Variants in DDX18 observed in about 807,000 individuals in gnomAD.
DDX18 encodes the protein ATP-dependent RNA helicase DDX18.
Under a neutral mutation model 73.5 loss-of-function variants are expected in DDX18, and 23 were observed. The ratio of observed to expected loss-of-function variants is 0.31; its 90% CI spans 0.23 to 0.44. The LOEUF is 0.44. Among genes scored for constraint, DDX18 ranks in the 20% least tolerant of loss-of-function variants. The probability of loss-of-function intolerance (pLI) is 1.00; values close to 1 mark genes in which losing one functional copy is unlikely to be tolerated. For synonymous variants in DDX18, 268 were observed against 282.7 expected (o/e 0.95, Z 0.52); for missense variants, 753 against 792.9 (o/e 0.95, Z 0.60).
chr2:117,821,817 A>G lies in DDX18; in HGVS notation c.752-45A>G. ...GGTTTATTGTAGCTGTTACGGACTC[A>G]GTGGTGACAGCCACATTTAGACTTC... On this transcript the variant is annotated intron_variant, in intron 5 of 13. Transcript: ENST00000263239. The G allele has an allele frequency of 1.9e-6, 3 of 1,612,558 alleles. No individual in the cohort carries two copies. The South Asian group carries it at 3.3e-5, about 18-fold the overall frequency.
chr2:117,817,062 A>G (rs978273431), intron 1 of DDX18, among the ~76,000 whole-genome samples: 5 of 152,190 alleles, frequency 3.3e-5, no homozygotes, highest in East Asian at 1.9e-4. Flanking sequence ...TGAGTTGTAA[A>G]TGTCTTTTTC....
At chr2:117,819,057 TGTG>T (rs895559721) in intron 2 of DDX18, among the ~76,000 whole-genome samples, 2 of 152,188 alleles carry the variant, frequency 1.3e-5, no homozygotes, top group Non-Finnish European at 2.9e-5. Flanking sequence ...AAACACAGCA[TGTG>T]GTTAATCCAT....
chr2:117,826,407 A>G, intron 11 of DDX18, 25 bp downstream of exon 11: 1 of 1,600,330 alleles, frequency 6.2e-7, no homozygotes, highest in South Asian at 1.1e-5. Context: ...TTGGAGAAAG[A>G]TTTCTCTTGG....
chr2:117,827,897 G>A (rs1172238159), intron 11 of DDX18: 7 of 152,196 alleles, frequency 4.6e-5, no homozygotes, highest in African/African-American at 1.2e-4. Flanking sequence ...TTGAGGAATC[G>A]TCACACTGTC....
chr2:117,831,804 G>T lies in DDX18; in HGVS notation c.*1080G>T, dbSNP rs1224623180. 2.0e-5 allele frequency: 3 copies of T among 152,182 alleles called. No homozygotes were observed. Among genetic ancestry groups the T allele is most frequent in the Non-Finnish European group, 2.9e-5 (2 of 68,024 alleles). The allele number at this position is 152,182 out of a possible 1,614,324, so 9.4% of individuals were successfully genotyped here. A position where few individuals can be genotyped will look rare whatever the true frequency, so the allele number is the denominator to read the frequency against. ...GATTTAGTCAGATGAGTTTTTCGTT[G>T]TAGGAGCACTTGATTTCTAGTGTGT... On this transcript the variant is annotated 3_prime_UTR_variant, in exon 14 of 14. Transcript: ENST00000263239.
Position 117,817,524 on chromosome 2 carries a change from TCAAAA to T in DDX18, c.172_176del (p.Gln58AlafsTer61), listed in dbSNP as rs776666840. The stretch of plus-strand genomic sequence containing the variant: ...AATGGGAAGTAGAAAGGTTAAAAAA[TCAAAA>T]CAAAAGCCCATGAATGTGGGCTTAT... On this transcript the variant is annotated frameshift_variant, in exon 2 of 14. Coordinates refer to ENST00000263239, the MANE Select transcript of DDX18 (RefSeq NM_006773.4). LOFTEE classifies it high-confidence loss of function. 2 of 1,613,506 alleles carry T rather than the reference TCAAAA, an allele frequency of 1.2e-6. No individual in the cohort carries two copies. The highest frequency in any genetic ancestry group is 8.5e-7 in the Non-Finnish European group (1 of 1,179,844).
chr2:117,828,319 G>A (rs1369812065), intron 11 of DDX18: 2 of 152,138 alleles, frequency 1.3e-5, no homozygotes, highest in African/African-American at 4.8e-5. Flanking sequence ...TACAGAATGG[G>A]AGAAAATTTT....
In DDX18 at chr2:117,830,648, C is replaced by G. The variant is rs1196213057; in HGVS notation, c.1937C>G (p.Thr646Ser). The change falls in exon 14 of 14, where the codon ACC becomes AGC. Residue 646 changes from threonine (T) to serine (S), a missense_variant. Physicochemically the swap from Thr to Ser is moderately conservative, Grantham distance 58. This residue lies in a region of DDX18 where 402 missense variants were observed against 419.4 expected (regional missense o/e 0.96). Coordinates refer to ENST00000263239, the MANE Select transcript of DDX18 (RefSeq NM_006773.4). ...GGGGGFGYQK[T>S]KKVEKSKIFK... ...GGTGGTGGATTTGGCTACCAGAAAA[C>G]CAAGAAAGTTGAGAAATCCAAAATC... 3 of 1,613,724 alleles carry G rather than the reference C, an allele frequency of 1.9e-6. No homozygotes were observed. The highest frequency in any genetic ancestry group is 2.2e-5 in the South Asian group (2 of 91,050).
chr2:117,826,528 C>G (rs1573413188), intron 11 of DDX18, 146 bp downstream of exon 11: 5 of 734,566 alleles, frequency 6.8e-6, no homozygotes, highest in Non-Finnish European at 8.9e-6. Flanking sequence ...GTTTTATGTA[C>G]TTCTAGCCCA....
chr2:117,829,566 A>G lies in DDX18; in HGVS notation c.1870+100A>G, dbSNP rs947138861. ...AGTGGATTGGTATGTGTTCTGGCTCAGACTGGAGGCTCCAGTGTTCACCCT... is the reference window on the plus strand; with the variant it reads ...AGTGGATTGGTATGTGTTCTGGCTCGGACTGGAGGCTCCAGTGTTCACCCT... On this transcript the variant is annotated intron_variant, in intron 13 of 13. Transcript: ENST00000263239. 1.2e-4 allele frequency: 137 copies of G among 1,140,128 alleles called. No homozygotes were observed. The Admixed American group carries it at 3.0e-3, about 25-fold the overall frequency. The allele number at this position is 1,140,128 out of a possible 1,614,324, so 70.6% of individuals were successfully genotyped here. A position where few individuals can be genotyped will look rare whatever the true frequency, so the allele number is the denominator to read the frequency against.
chr2:117,822,365 C>A, intron 7 of DDX18, 104 bp downstream of exon 7: 1 of 820,612 alleles, frequency 1.2e-6, no homozygotes. Context: ...TTACCATAGC[C>A]AAGTGAGGTA....
chr2:117,830,021 CAGA>C (rs1257091384), intron 13 of DDX18, among the ~76,000 whole-genome samples: 1 of 152,200 alleles, frequency 6.6e-6, no homozygotes, highest in African/African-American at 2.4e-5. Context: ...TTGTGCCTTT[CAGA>C]AGAAGAAACT....
At chr2:117,826,538 A>T in intron 11 of DDX18, 156 bp downstream of exon 11, 2 of 688,964 alleles carry the variant, frequency 2.9e-6, no homozygotes, top group Non-Finnish European at 4.9e-6. Context: ...CTTCTAGCCC[A>T]AGAAGTGAGC....
chr2:117,828,492 T>C (rs1456082641), intron 11 of DDX18: 1 of 153,182 alleles, frequency 6.5e-6, no homozygotes, highest in African/African-American at 2.4e-5. Context: ...GTTGCTTTTC[T>C]AGTTATCTAA....
intron 7 of DDX18, among the ~76,000 whole-genome samples, chr2:117,823,177 A>G (rs955014345): frequency 2.6e-5 from 4 of 152,088 alleles, no homozygotes; most frequent in African/African-American, 9.7e-5. Context: ...GCTTTTCTAT[A>G]TAAATTTTAG....
At chr2:117,820,114 G>A (rs187459416) in intron 3 of DDX18, among the ~76,000 whole-genome samples, 15 of 152,312 alleles carry the variant, frequency 9.8e-5, no homozygotes, top group African/African-American at 3.4e-4. Context: ...GATTGGCCCT[G>A]TACGAGGTTA....
chr2:117,829,021 A>C lies in DDX18; in HGVS notation c.1692+16A>C. 6.2e-7 allele frequency: 1 copy of C among 1,606,526 alleles called. No individual in the cohort carries two copies. Among genetic ancestry groups the C allele is most frequent in the Non-Finnish European group, 8.5e-7 (1 of 1,173,352 alleles). On this transcript the variant is annotated intron_variant, in intron 12 of 13. Transcript: ENST00000263239. Reference sequence around the variant, plus strand: ...TCAGTCTCAGGTATGTGCTTTTTAAACGTTTGTGAGTAAACAGGAACCTTG... The same window carrying C: ...TCAGTCTCAGGTATGTGCTTTTTAACCGTTTGTGAGTAAACAGGAACCTTG...
intron 7 of DDX18, 88 bp downstream of exon 7, chr2:117,822,349 A>G (rs1679859420): frequency 2.0e-6 from 2 of 1,024,338 alleles, no homozygotes; most frequent in Admixed American, 3.9e-5. Context: ...TACTAATGCC[A>G]GAACTTTACC....
chr2:117,830,685 T>C lies in DDX18; in HGVS notation c.1974T>C (p.Ile658=). 2 of 1,613,692 alleles carry C rather than the reference T, an allele frequency of 1.2e-6. No individual in the cohort carries two copies. The highest frequency in any genetic ancestry group is 1.7e-6 in the Non-Finnish European group (2 of 1,179,768). The part of the protein sequence containing the change: ...KVEKSKIFKH[I]SKKSSDSRQF... ...AGAAATCCAAAATCTTTAAACACATTAGCAAGAAATCATCTGACAGCAGGC... is the reference window on the plus strand; with the variant it reads ...AGAAATCCAAAATCTTTAAACACATCAGCAAGAAATCATCTGACAGCAGGC... Residue 658 remains isoleucine (I), a synonymous_variant, in exon 14 of 14, where the codon ATT becomes ATC. Coordinates refer to ENST00000263239, the MANE Select transcript of DDX18 (RefSeq NM_006773.4).
Sources: gnomAD v4.1 joint callset for allele counts (sites outside exome capture counted in the v4.1 genomes callset) on GRCh38, gnomAD v4.1.1 for gene constraint, gnomAD v4.1.1 regional missense constraint, MANE v1.5 for transcripts, NCBI Gene and HGNC (gene_info 2026-07-23, HGNC 2026-07-21) for gene names.